SULF1: variants seen among roughly 807,000 people sequenced by gnomAD.
The protein encoded by SULF1 is sulfatase 1.
A neutral mutation model predicts 110.5 loss-of-function variants in SULF1; 46 were observed. The observed-to-expected ratio is 0.42, with a 90% CI of 0.33 to 0.53. The LOEUF is 0.53. SULF1 is among the 20% of genes least tolerant of loss of function. The pLI, the probability that SULF1 is intolerant of heterozygous loss-of-function variation, is 0.12. For synonymous variants in SULF1, 371 were observed against 387.1 expected, an observed-to-expected ratio of 0.96 and a Z score of 0.49; for missense variants, 941 against 1,094.2, an observed-to-expected ratio of 0.86 and a Z score of 1.98.
intron 3 of SULF1, among the ~76,000 whole-genome samples, chr8:69,522,853 GC>G (rs1181928277): frequency 6.6e-6 from 1 of 152,080 alleles, no homozygotes; most frequent in Non-Finnish European, 1.5e-5. Context: ...ATGTATAAAA[GC>G]AACAATGGTG....
chr8:69,551,988 A>G (rs1376868957), intron 3 of SULF1, among the ~76,000 whole-genome samples: 1 of 152,200 alleles, frequency 6.6e-6, no homozygotes, highest in Non-Finnish European at 1.5e-5. Flanking sequence ...GCTACTCAGA[A>G]GGCTGAGGCA....
intron 22 of SULF1, among the ~76,000 whole-genome samples, chr8:69,644,487 A>T (rs923854727): frequency 6.6e-6 from 1 of 152,168 alleles, no homozygotes; most frequent in East Asian, 1.9e-4. Flanking sequence ...ACCAAACTCC[A>T]TCATCAGTCA....
chr8:69,628,727 A>C (rs1810291510), intron 18 of SULF1, among the ~76,000 whole-genome samples: 1 of 152,232 alleles, frequency 6.6e-6, no homozygotes, highest in East Asian at 1.9e-4. Flanking sequence ...AAAACAAAAT[A>C]ATAAAAAATA....
Position 69,575,957 on chromosome 8 carries a change from C to T in SULF1, c.173-13C>T, listed in dbSNP as rs1318822312. 1 of 1,612,978 alleles carries T rather than the reference C, an allele frequency of 6.2e-7. No individual in the cohort carries two copies. Among genetic ancestry groups the T allele is most frequent in the South Asian group, 1.1e-5 (1 of 90,808 alleles). On this transcript the variant is annotated splice_polypyrimidine_tract_variant and intron_variant, in intron 5 of 22. Coordinates refer to ENST00000402687, the MANE Select transcript of SULF1 (RefSeq NM_001128205.2). ...TGCACTTTGCTAAACAATGCTGGCA[C>T]TGTGCCTTTCAGGGTCCCTGCAAGT...
intron 12 of SULF1, 45 bp downstream of exon 12, chr8:69,603,701 G>GGCA (rs1395248572): frequency 7.6e-7 from 1 of 1,312,864 alleles, no homozygotes. Flanking sequence ...AGTCCTAGTG[G>GGCA]GCAGCTTTCC....
chr8:69,571,871 T>A (rs1805259673), intron 5 of SULF1, among the ~76,000 whole-genome samples: 1 of 152,218 alleles, frequency 6.6e-6, no homozygotes, highest in Non-Finnish European at 1.5e-5. Context: ...CTCGATGCTT[T>A]CCTTACTGGT....
chr8:69,614,362 C>T (rs1177398716), intron 13 of SULF1, among the ~76,000 whole-genome samples: 3 of 152,274 alleles, frequency 2.0e-5, no homozygotes, highest in Non-Finnish European at 2.9e-5. Flanking sequence ...TTCACTACTA[C>T]GAAATCCTAT....
intron 1 of SULF1, among the ~76,000 whole-genome samples, chr8:69,479,219 T>C (rs575024519): frequency 6.6e-6 from 1 of 152,362 alleles, no homozygotes; most frequent in Non-Finnish European, 1.5e-5. Context: ...CAGGATTCTA[T>C]GTTATCAATT....
intron 3 of SULF1, among the ~76,000 whole-genome samples, chr8:69,561,215 C>T (rs915056747): frequency 6.6e-6 from 1 of 151,914 alleles, no homozygotes; most frequent in African/African-American, 2.4e-5. Flanking sequence ...ACACATATAT[C>T]AAAACATCAA....
chr8:69,491,095 G>C (rs1447977948), upstream of SULF1, among the ~76,000 whole-genome samples: 2 of 152,186 alleles, frequency 1.3e-5, no homozygotes, highest in African/African-American at 2.4e-5. Flanking sequence ...ATCTGTATGC[G>C]TGGAGAGCAT....
chr8:69,541,562 G>A (rs1013824304), intron 3 of SULF1, among the ~76,000 whole-genome samples: 2 of 152,210 alleles, frequency 1.3e-5, no homozygotes, highest in African/African-American at 2.4e-5. Flanking sequence ...AACGAAAGAC[G>A]TCTGCTTCTA....
chr8:69,549,425 G>A (rs985312724), intron 3 of SULF1, among the ~76,000 whole-genome samples: 1 of 152,118 alleles, frequency 6.6e-6, no homozygotes, highest in Non-Finnish European at 1.5e-5. Flanking sequence ...ACTGTGAATA[G>A]CCTCAGTTAA....
At chr8:69,529,882 A>G (rs1812964807) in intron 3 of SULF1, among the ~76,000 whole-genome samples, 1 of 152,178 alleles carries the variant, frequency 6.6e-6, no homozygotes, top group Admixed American at 6.5e-5. Context: ...CTGTAATCCC[A>G]TTGGTTACCC....
chr8:69,591,947 C>T (rs115720201), intron 8 of SULF1, among the ~76,000 whole-genome samples: 1,615 of 152,318 alleles, frequency 0.011, 33 homozygotes, highest in African/African-American at 0.037. Context: ...TTTGCCCCAA[C>T]CTCTGCTCTA....
intron 18 of SULF1, 103 bp downstream of exon 18, chr8:69,628,339 C>A: frequency 1.0e-6 from 1 of 960,788 alleles, no homozygotes; most frequent in South Asian, 1.4e-5. Context: ...AGTGCCGCTT[C>A]AGAAGAAGTA....
intron 13 of SULF1, among the ~76,000 whole-genome samples, chr8:69,616,684 G>C (rs955214642): frequency 2.7e-5 from 4 of 147,836 alleles, no homozygotes; most frequent in Non-Finnish European, 1.5e-5. Flanking sequence ...TTACAGGCTT[G>C]AGCTACTGTG....
At chr8:69,616,124 A>ATGTGTATATATATACACACATATATGTG (rs1322012372) in intron 13 of SULF1, among the ~76,000 whole-genome samples, 5 of 127,600 alleles carry the variant, frequency 3.9e-5, no homozygotes, top group Non-Finnish European at 8.6e-5. Flanking sequence ...TGTATATATA[A>ATGTGTATATATATACACACATATATGTG]TGTGTATATA....
chr8:69,583,657 C>T lies in SULF1; in HGVS notation c.413-2700C>T, dbSNP rs543867263. Reference sequence around the variant, plus strand: ...TAAAGTCCCCAGAATACATTGGATTCATGAACCCAAATTCAAGAAACAAAA... The same window carrying T: ...TAAAGTCCCCAGAATACATTGGATTTATGAACCCAAATTCAAGAAACAAAA... On this transcript the variant is annotated intron_variant, in intron 6 of 22. Transcript: ENST00000402687. Among the ~76,000 whole-genome samples the T allele has an allele frequency of 9.7e-4, 147 of 152,288 alleles. 1 individual carries two copies. Among genetic ancestry groups the T allele is most frequent in the Non-Finnish European group, 3.2e-4 (22 of 68,022 alleles).
At chr8:69,629,138 AT>A (rs1810326456) in intron 18 of SULF1, among the ~76,000 whole-genome samples, 1 of 152,078 alleles carries the variant, frequency 6.6e-6, no homozygotes, top group South Asian at 2.1e-4. Context: ...GGTTCAAGAG[AT>A]TCTTGTGCCT....
Sources: gnomAD v4.1 joint callset for allele counts (sites outside exome capture counted in the v4.1 genomes callset) on GRCh38, gnomAD v4.1.1 for gene constraint, MANE v1.5 for transcripts, NCBI Gene and HGNC (gene_info 2026-07-23, HGNC 2026-07-21) for gene names.